Variants in RADIL observed in about 807,000 individuals in gnomAD.
The protein encoded by RADIL is Rap associating with DIL domain, also known as ras-associating and dilute domain-containing protein.
Under a neutral mutation model 97.6 loss-of-function variants are expected in RADIL, and 99 were observed. The observed-to-expected ratio is 1.01, with a 90% CI of 0.86 to 1.20. The LOEUF (loss-of-function observed/expected upper bound fraction) is 1.20. Ranked by LOEUF, RADIL falls within the 50% of genes most tolerant of loss-of-function variation. The probability of loss-of-function intolerance (pLI) is 0.00; values close to 1 mark genes in which losing one functional copy is unlikely to be tolerated. For missense variants in RADIL, 1,765 were observed against 1,498.9 expected, an observed-to-expected ratio of 1.18 and a Z score of -2.93; for synonymous variants, 803 against 691.8, an observed-to-expected ratio of 1.16 and a Z score of -2.52.
At chr7:4,861,775 C>T in intron 2 of RADIL, 1 of 1,486,276 alleles carries the variant, frequency 6.7e-7, no homozygotes, top group Non-Finnish European at 8.9e-7. Context: ...GCGCCGGCTG[C>T]GGTGGTCCCT....
chr7:4,841,627 G>C (rs376457104), intron 2 of RADIL, among the ~76,000 whole-genome samples: 10 of 152,208 alleles, frequency 6.6e-5, no homozygotes, highest in African/African-American at 2.2e-4. Flanking sequence ...CCCAGCCCAG[G>C]AATAAGGCGG....
Position 4,831,694 on chromosome 7 carries a change from A to G in RADIL, c.1454+447T>C, listed in dbSNP as rs570995944. 2.0e-5 allele frequency among the ~76,000 whole-genome samples: 3 copies of G among 151,020 alleles called. No homozygotes were observed. The South Asian group carries it at 6.3e-4, about 32-fold the overall frequency. ...CAGTAGTTCGAGACCAGCCTGGCCA[A>G]TATCGTGAAACCCCATCTCTACTAA... is the stretch of plus-strand genomic sequence containing the variant. On this transcript the variant is annotated intron_variant, in intron 5 of 14. Transcript: ENST00000399583.
At chr7:4,812,990 A>G (rs1433820552) in intron 9 of RADIL, among the ~76,000 whole-genome samples, 2 of 152,152 alleles carry the variant, frequency 1.3e-5, no homozygotes. Context: ...ATTGTTGCCA[A>G]TGAACTTAAT....
chr7:4,862,293 C>G (rs1784033726), intron 2 of RADIL, among the ~76,000 whole-genome samples: 1 of 152,236 alleles, frequency 6.6e-6, no homozygotes, highest in South Asian at 2.1e-4. Flanking sequence ...CCTCAGCACT[C>G]TTCACCCTAG....
At chr7:4,812,741 G>T (rs2115182879) in intron 9 of RADIL, among the ~76,000 whole-genome samples, 1 of 152,232 alleles carries the variant, frequency 6.6e-6, no homozygotes, top group South Asian at 2.1e-4. Context: ...ACTTTTCAAA[G>T]AACCCACTCC....
At chr7:4,833,237 G>A (rs3793140) in intron 4 of RADIL, among the ~76,000 whole-genome samples, 14,600 of 152,206 alleles carry the variant, frequency 0.096, 839 homozygotes, top group South Asian at 0.18. Flanking sequence ...CATCTACATC[G>A]TCAGGGTGGT....
rs1259654032 is a variant in RADIL, at chr7:4,822,562, G to A, written c.1455-8C>T. The A allele has an allele frequency of 6.2e-7, 1 of 1,612,320 alleles. No homozygotes were observed. On this transcript the variant is annotated splice_polypyrimidine_tract_variant and splice_region_variant and intron_variant, in intron 5 of 14. Transcript: ENST00000399583. The surrounding 1 kb of genome is among the most constrained non-coding windows in gnomAD (Gnocchi z 5.3). ...AGCGAGATGGGCTCCTGGCTACCAA[G>A]ACAGAAAGACTAAGAGTTACGCGGG...
At position 4,849,372 on chromosome 7, in the gene RADIL, A is replaced by G. The variant is rs1783655214; in HGVS notation, c.536-12767T>C. Among the ~76,000 whole-genome samples the G allele has an allele frequency of 6.6e-6, 1 of 152,216 alleles. No homozygotes were observed. Among genetic ancestry groups the G allele is most frequent in the Non-Finnish European group, 1.5e-5 (1 of 68,034 alleles). On this transcript the variant is annotated intron_variant, in intron 2 of 14. Transcript: ENST00000399583. This position sits in a 1 kb window ranked among gnomAD's most constrained non-coding sequence, Gnocchi z 5.4. ...AGTTTTCATTCTACTGCAAGAATGA[A>G]TTAATGAATGAATGAACGTTGATGG...
chr7:4,851,539 T>C (rs541538280), intron 2 of RADIL, among the ~76,000 whole-genome samples: 1 of 152,278 alleles, frequency 6.6e-6, no homozygotes, highest in Admixed American at 6.5e-5. Flanking sequence ...GGCATGTTAC[T>C]GGAAACTGGA....
chr7:4,866,035 C>A (rs904593256), intron 2 of RADIL, among the ~76,000 whole-genome samples: 1 of 152,140 alleles, frequency 6.6e-6, no homozygotes, highest in Non-Finnish European at 1.5e-5. Flanking sequence ...CCAACAATGA[C>A]AAATTGCCTA....
In RADIL at chr7:4,878,443, G is replaced by A. The variant is rs1417635370; in HGVS notation, c.-64-240C>T. On this transcript the variant is annotated intron_variant, in intron 1 of 14. Coordinates refer to ENST00000399583, the MANE Select transcript of RADIL (RefSeq NM_018059.5). The surrounding 1 kb of genome is among the most constrained non-coding windows in gnomAD (Gnocchi z 4.1). ...CTGTACCCACTGCTCTGAAGGCTGA[G>A]GCTGGAGGATGGCTTGAGCCCAGGA... 6.6e-6 allele frequency among the ~76,000 whole-genome samples: 1 copy of A among 152,208 alleles called. No homozygotes were observed. Among genetic ancestry groups the A allele is most frequent in the East Asian group, 1.9e-4 (1 of 5,186 alleles).
chr7:4,820,404 C>T (rs1782798816), intron 6 of RADIL, among the ~76,000 whole-genome samples: 1 of 152,220 alleles, frequency 6.6e-6, no homozygotes, highest in Non-Finnish European at 1.5e-5. Flanking sequence ...CGTCACTTTC[C>T]AGGAAAAAGC....
rs981588744 is a variant in RADIL at position 4,797,840 on chromosome 7, T to C, written c.*1538A>G. On this transcript the variant is annotated 3_prime_UTR_variant, in exon 15 of 15. Transcript: ENST00000399583. Reference sequence around the variant, plus strand: ...CTAAAAGTACTAAATTAGCCAAGCGTGGTGGCAGGCGCCTGTAATCCCAGC... The same window carrying C: ...CTAAAAGTACTAAATTAGCCAAGCGCGGTGGCAGGCGCCTGTAATCCCAGC... 1 of 151,954 alleles carries C rather than the reference T, an allele frequency of 6.6e-6. No individual in the cohort carries two copies. Among genetic ancestry groups the C allele is most frequent in the African/African-American group, 2.4e-5 (1 of 41,364 alleles). The allele number at this position is 151,954 out of a possible 1,614,324, so 9.4% of individuals were successfully genotyped here. A position where few individuals can be genotyped will look rare whatever the true frequency, so the allele number is the denominator to read the frequency against.
chr7:4,799,672 A>C lies in RADIL; in HGVS notation c.3080T>G (p.Leu1027Arg). 1 of 1,595,458 alleles carries C rather than the reference A, an allele frequency of 6.3e-7. No homozygotes were observed. The highest frequency in any genetic ancestry group is 8.5e-7 in the Non-Finnish European group (1 of 1,172,116). ...DGRLSLGDRI[L>R]EVNGSSLLGL... ...CAGGAGGCTGCTGCCATTCACCTCCAGGATACGGTCCCCCAGCGACAGGCG... is the reference window on the plus strand; with the variant it reads ...CAGGAGGCTGCTGCCATTCACCTCCCGGATACGGTCCCCCAGCGACAGGCG... Residue 1027 changes from leucine to arginine, a missense_variant, in exon 14 of 15, where the codon CTG (leucine) becomes CGG (arginine). Coordinates refer to ENST00000399583, the MANE Select transcript of RADIL (RefSeq NM_018059.5).
chr7:4,861,899 G>T, intron 2 of RADIL: 1 of 936,040 alleles, frequency 1.1e-6, no homozygotes, highest in Non-Finnish European at 1.5e-6. Context: ...AGGCGGAAGG[G>T]CAGGGCTTCT....
At chr7:4,864,768 C>T (rs75106769) in intron 2 of RADIL, among the ~76,000 whole-genome samples, 3,874 of 152,282 alleles carry the variant, frequency 0.025, 157 homozygotes, top group African/African-American at 0.086. Flanking sequence ...CTACCTGTTC[C>T]CTTATAACTC....
In RADIL at chr7:4,822,327, C is replaced by T. The variant is rs564874497; in HGVS notation, c.1615+67G>A. On this transcript the variant is annotated intron_variant, in intron 6 of 14. Transcript: ENST00000399583. The surrounding 1 kb of genome is among the most constrained non-coding windows in gnomAD (Gnocchi z 5.3). ...ATGGCCAACTAGGTTCCGAGGACGGCGAGGAGATGCCACACTCCCCTGCCT... is the reference window on the plus strand; with the variant it reads ...ATGGCCAACTAGGTTCCGAGGACGGTGAGGAGATGCCACACTCCCCTGCCT... The T allele has an allele frequency of 1.0e-5, 15 of 1,505,196 alleles. No individual in the cohort carries two copies. Among genetic ancestry groups the T allele is most frequent in the African/African-American group, 5.5e-5 (4 of 72,722 alleles). 93.2% of individuals were successfully genotyped at this position (1,505,196 alleles called of 1,614,324 possible). A position where few individuals can be genotyped will look rare whatever the true frequency, so the allele number is the denominator to read the frequency against.
rs952965916 is a variant in RADIL, at chr7:4,871,153, C to T, written c.535+6452G>A. Among the ~76,000 whole-genome samples the T allele has an allele frequency of 2.6e-5, 4 of 152,216 alleles. 1 individual carries two copies. Among genetic ancestry groups the T allele is most frequent in the South Asian group, 4.1e-4 (2 of 4,832 alleles). Reference sequence around the variant, plus strand: ...GACCACATACAATGAAGGTTTCCCACGGTGACTCTGTCATTGGGAATCCAC... The same window carrying T: ...GACCACATACAATGAAGGTTTCCCATGGTGACTCTGTCATTGGGAATCCAC... On this transcript the variant is annotated intron_variant, in intron 2 of 14. Transcript: ENST00000399583.
At chr7:4,881,809 GAT>G (rs544243319) in intron 1 of RADIL, among the ~76,000 whole-genome samples, 141 of 151,922 alleles carry the variant, frequency 9.3e-4, no homozygotes, top group African/African-American at 3.3e-3. Flanking sequence ...CCCAGGGGTG[GAT>G]ATATGTTTTG....
Sources: gnomAD v4.1 joint callset for allele counts (sites outside exome capture counted in the v4.1 genomes callset) on GRCh38, gnomAD v4.1.1 for gene constraint, Gnocchi (gnomAD v3.1) non-coding constraint, MANE v1.5 for transcripts, NCBI Gene and HGNC (gene_info 2026-07-23, HGNC 2026-07-21) for gene names.